RAB19: variants seen among roughly 807,000 people sequenced by gnomAD.
RAB19 encodes RAB19, member RAS oncogene family.
RAB19 carries 21 observed loss-of-function variants against 17.3 expected under a neutral mutation model. The ratio of observed to expected loss-of-function variants is 1.21; its 90% CI spans 0.86 to 1.74. The LOEUF is 1.74. RAB19 is among the 40% of genes most tolerant of loss of function. RAB19 has a pLI of 0.00. For synonymous variants in RAB19, 126 were observed against 110.4 expected (o/e 1.14, Z -0.88); for missense variants, 277 against 286.8 (o/e 0.97, Z 0.25).
At chr7:140,405,320 A>C (rs1003268734) in intron 1 of RAB19, among the ~76,000 whole-genome samples, 1 of 152,180 alleles carries the variant, frequency 6.6e-6, no homozygotes, top group African/African-American at 2.4e-5. Flanking sequence ...CTCTGGGTTC[A>C]AGCCATTCTC....
chr7:140,424,625 A>C lies in RAB19; in HGVS notation c.386-1257A>C, dbSNP rs929354620. Among the ~76,000 whole-genome samples, 956 of 127,022 alleles carry C rather than the reference A, an allele frequency of 7.5e-3. 5 individuals are homozygous for C. The highest frequency in any genetic ancestry group is 0.015 in the Admixed American group (185 of 12,368). The allele number at this position is 127,022 out of a possible 152,430, so 83.3% of individuals were successfully genotyped here. On this transcript the variant is annotated intron_variant, in intron 3 of 3. Coordinates refer to ENST00000537763, the MANE Select transcript of RAB19 (RefSeq NM_001008749.3). ...TCTCTCTCTCTCTCTCTCTCTATAT[A>C]TATATATATATATATGTGTGTGTGT... is the stretch of plus-strand genomic sequence containing the variant.
At chr7:140,423,517 C>G (rs1478399734) in intron 3 of RAB19, among the ~76,000 whole-genome samples, 2 of 151,286 alleles carry the variant, frequency 1.3e-5, no homozygotes, top group Non-Finnish European at 2.9e-5. Context: ...TAGTGGTATA[C>G]AGAAAACAAA....
At chr7:140,415,260 AGACAGGGTTTCACC>A (rs1270983460) in intron 3 of RAB19, among the ~76,000 whole-genome samples, 1 of 147,210 alleles carries the variant, frequency 6.8e-6, no homozygotes, top group Non-Finnish European at 1.5e-5. Context: ...TTTTTAGTAG[AGACAGGGTTTCACC>A]ATGTTGGCCA....
rs1463188558 is a variant in RAB19, at chr7:140,426,169, TGCACCCAC to T, written c.*20_*27del. ...TTGCTAAGATGTTTGCAAAGCCAGT[TGCACCCAC>T]CAAAGAGGCCGCCTCTGAAACCAAA... On this transcript the variant is annotated 3_prime_UTR_variant, in exon 4 of 4. Transcript: ENST00000537763. 6.2e-7 allele frequency: 1 copy of T among 1,603,466 alleles called. No individual in the cohort carries two copies. The highest frequency in any genetic ancestry group is 8.5e-7 in the Non-Finnish European group (1 of 1,174,084).
In RAB19 at chr7:140,424,513, A is replaced by G. The variant is rs150183598; in HGVS notation, c.386-1369A>G. 9.2e-5 allele frequency among the ~76,000 whole-genome samples: 14 copies of G among 151,554 alleles called. No individual in the cohort carries two copies. The East Asian group carries it at 2.7e-3, about 30-fold the overall frequency. The stretch of plus-strand genomic sequence containing the variant: ...ATAGCACCAATGTCAATTTCCTGGT[A>G]TTGATAATGTGCTATAGTTATACAA... On this transcript the variant is annotated intron_variant, in intron 3 of 3. Coordinates refer to ENST00000537763, the MANE Select transcript of RAB19 (RefSeq NM_001008749.3).
At chr7:140,419,855 T>A (rs1245473876) in intron 3 of RAB19, among the ~76,000 whole-genome samples, 1 of 152,194 alleles carries the variant, frequency 6.6e-6, no homozygotes. Context: ...AGATCACTAG[T>A]GTTTTTCATT....
At position 140,412,011 on chromosome 7, in the gene RAB19, T is replaced by C. The variant is rs775591796; in HGVS notation, c.339T>C (p.His113=). The C allele has an allele frequency of 6.2e-7, 1 of 1,608,168 alleles. No homozygotes were observed. The highest frequency in any genetic ancestry group is 1.3e-5 in the African/African-American group (1 of 74,794). ...TCGAGTCCATCCCTCACTGGATTCATGAGATAGAGAAATATGGAGCTGCAA... is the reference window on the plus strand; with the variant it reads ...TCGAGTCCATCCCTCACTGGATTCACGAGATAGAGAAATATGGAGCTGCAA... ...STFESIPHWI[H]EIEKYGAANV... The change falls in exon 3 of 4, where the codon CAT becomes CAC. Residue 113 remains histidine (H), a synonymous_variant. Coordinates refer to ENST00000537763, the MANE Select transcript of RAB19 (RefSeq NM_001008749.3).
At chr7:140,405,540 T>G (rs1352954635) in intron 1 of RAB19, among the ~76,000 whole-genome samples, 4 of 109,638 alleles carry the variant, frequency 3.6e-5, no homozygotes, top group Non-Finnish European at 7.3e-5. Flanking sequence ...ATTATTTTAA[T>G]AGAGATGGGC....
chr7:140,421,136 C>T (rs1332600298), intron 3 of RAB19, among the ~76,000 whole-genome samples: 2 of 152,054 alleles, frequency 1.3e-5, no homozygotes, highest in Non-Finnish European at 2.9e-5. Context: ...CATGATCCAC[C>T]CGCCTTGGCC....
chr7:140,423,627 T>C (rs1799600335), intron 3 of RAB19, among the ~76,000 whole-genome samples: 1 of 152,194 alleles, frequency 6.6e-6, no homozygotes, highest in Non-Finnish European at 1.5e-5. Context: ...ATTTATATAA[T>C]ATTCTGGAAC....
At chr7:140,413,947 C>G (rs1162017337) in intron 3 of RAB19, among the ~76,000 whole-genome samples, 1 of 152,114 alleles carries the variant, frequency 6.6e-6, no homozygotes, top group East Asian at 1.9e-4. Context: ...CCAGATCCAC[C>G]TTTGTATTAA....
chr7:140,418,819 A>G (rs1799508721), intron 3 of RAB19, among the ~76,000 whole-genome samples: 1 of 149,216 alleles, frequency 6.7e-6, no homozygotes, highest in Non-Finnish European at 1.5e-5. Flanking sequence ...TGATCACACC[A>G]CTGCACCACA....
Position 140,425,781 on chromosome 7 carries a change from T to C in RAB19, c.386-101T>C, listed in dbSNP as rs913375954. On this transcript the variant is annotated intron_variant, in intron 3 of 3. Coordinates refer to ENST00000537763, the MANE Select transcript of RAB19 (RefSeq NM_001008749.3). Reference sequence around the variant, plus strand: ...CAATGACCATTTGTGAATGAATGCATGCATGCCTATTGAAGAACTAAAATG... The same window carrying C: ...CAATGACCATTTGTGAATGAATGCACGCATGCCTATTGAAGAACTAAAATG... 1.7e-5 allele frequency: 21 copies of C among 1,246,648 alleles called. No homozygotes were observed. In the African/African-American group the frequency reaches 2.4e-4, roughly 14 times the overall value. 77.2% of individuals were successfully genotyped at this position (1,246,648 alleles called of 1,614,324 possible).
intron 3 of RAB19, among the ~76,000 whole-genome samples, chr7:140,421,085 G>A (rs567546103): frequency 2.3e-4 from 35 of 152,082 alleles, no homozygotes; most frequent in African/African-American, 8.0e-4. Flanking sequence ...TAGAGACGGG[G>A]TTTCACCATG....
intron 3 of RAB19, among the ~76,000 whole-genome samples, chr7:140,420,175 C>T (rs1368667818): frequency 6.6e-6 from 1 of 152,170 alleles, no homozygotes; most frequent in African/African-American, 2.4e-5. Context: ...AATCCCAGCA[C>T]TTTGGGAGGC....
At chr7:140,418,735 T>A (rs548006500) in intron 3 of RAB19, among the ~76,000 whole-genome samples, 1 of 151,950 alleles carries the variant, frequency 6.6e-6, no homozygotes, top group Non-Finnish European at 1.5e-5. Flanking sequence ...GGCATGCGCC[T>A]GTAGTCCCAG....
At position 140,412,037 on chromosome 7, in the gene RAB19, A is replaced by T; in HGVS notation, c.365A>T (p.Asn122Ile). Residue 122 changes from asparagine (N) to isoleucine (I), a missense_variant, in exon 3 of 4, where the codon AAT becomes ATT. Physicochemically the swap from Asn to Ile is moderately radical, Grantham distance 149. Coordinates refer to ENST00000537763, the MANE Select transcript of RAB19 (RefSeq NM_001008749.3). ...IHEIEKYGAA[N>I]VVIMLIGNKC... is the part of the protein sequence containing the mutation. ...GAGATAGAGAAATATGGAGCTGCAA[A>T]TGTGGTCATTATGCTGATTGGTATG... The T allele has an allele frequency of 6.2e-7, 1 of 1,612,686 alleles. No homozygotes were observed. Among genetic ancestry groups the T allele is most frequent in the Non-Finnish European group, 8.5e-7 (1 of 1,180,030 alleles).
At chr7:140,406,719 C>T (rs1168577564) in intron 1 of RAB19, among the ~76,000 whole-genome samples, 1 of 151,440 alleles carries the variant, frequency 6.6e-6, no homozygotes, top group African/African-American at 2.4e-5. Context: ...AACATTATAG[C>T]CATGGTTTTA....
intron 3 of RAB19, among the ~76,000 whole-genome samples, chr7:140,421,195 A>G (rs144901720): frequency 6.7e-6 from 1 of 149,650 alleles, no homozygotes. Flanking sequence ...CTGGCCTTTT[A>G]TGTTTTATTT....
Sources: gnomAD v4.1 joint callset for allele counts (sites outside exome capture counted in the v4.1 genomes callset) on GRCh38, gnomAD v4.1.1 for gene constraint, MANE v1.5 for transcripts, NCBI Gene and HGNC (gene_info 2026-07-23, HGNC 2026-07-21) for gene names.